ASPRV1: variants seen among roughly 807,000 people sequenced by gnomAD.
ASPRV1 encodes the protein aspartic peptidase retroviral like 1.
A neutral mutation model predicts 11.0 loss-of-function variants in ASPRV1; 7 were observed. That is an observed-to-expected ratio of 0.64 (90% CI 0.36 to 1.20). The LOEUF is 1.20. Ranked by LOEUF, ASPRV1 falls within the 50% of genes most tolerant of loss-of-function variation. ASPRV1 has a pLI of 0.02. For synonymous variants in ASPRV1, 136 were observed against 138.4 expected (o/e 0.98, Z 0.12); for missense variants, 299 against 320.0 (o/e 0.93, Z 0.50).
chr2:69,970,464 G>C, the ASPRV1 span, among the ~76,000 whole-genome samples: 4 of 152,052 alleles, frequency 2.6e-5, no homozygotes, highest in Admixed American at 6.5e-5. Flanking sequence ...TCCCCAAACA[G>C]GACGGGCTTT....
the ASPRV1 span, chr2:70,083,801 A>T: frequency 1.2e-4 from 18 of 152,352 alleles, no homozygotes; most frequent in African/African-American, 4.3e-4. Flanking sequence ...CCTGGACATA[A>T]GTAGAAGGAC....
chr2:70,039,689 C>T, the ASPRV1 span, among the ~76,000 whole-genome samples: 1 of 152,214 alleles, frequency 6.6e-6, no homozygotes, highest in African/African-American at 2.4e-5. Context: ...CTGGCCCCTA[C>T]TGCACCTAAG....
chr2:70,003,860 A>C, the ASPRV1 span, among the ~76,000 whole-genome samples: 619 of 152,330 alleles, frequency 4.1e-3, 2 homozygotes, highest in African/African-American at 0.014. Flanking sequence ...TCCTCACAAA[A>C]GGACAAATTT....
At chr2:70,037,549 C>T in the ASPRV1 span, among the ~76,000 whole-genome samples, 1 of 152,168 alleles carries the variant, frequency 6.6e-6, no homozygotes, top group Non-Finnish European at 1.5e-5. Flanking sequence ...AGGCACTGCG[C>T]CTGGCTGAAA....
chr2:69,996,685 C>T, the ASPRV1 span: 1 of 456,484 alleles, frequency 2.2e-6, no homozygotes, highest in African/African-American at 2.0e-5. Flanking sequence ...TAAGTTCTTA[C>T]CAAATAGTAA....
chr2:70,028,143 G>A, the ASPRV1 span, among the ~76,000 whole-genome samples: 3 of 152,220 alleles, frequency 2.0e-5, no homozygotes, highest in African/African-American at 7.2e-5. Flanking sequence ...CCACTAGGTT[G>A]GGCCACATTG....
At chr2:69,936,910 A>G in the ASPRV1 span, 1 of 497,588 alleles carries the variant, frequency 2.0e-6, no homozygotes, top group African/African-American at 1.9e-5. Context: ...ATTGCTGCAA[A>G]CAAGGGAGAT....
chr2:70,046,036 G>A, the ASPRV1 span: 2 of 152,228 alleles, frequency 1.3e-5, no homozygotes, highest in Admixed American at 6.5e-5. Context: ...TCTCTCTGCA[G>A]AAGATGAGAA....
chr2:69,975,895 C>G, the ASPRV1 span: 2 of 152,482 alleles, frequency 1.3e-5, no homozygotes, highest in Non-Finnish European at 2.9e-5. Context: ...CATATGTAGT[C>G]AACTGCACAC....
At chr2:70,085,067 C>T in the ASPRV1 span, among the ~76,000 whole-genome samples, 4 of 152,326 alleles carry the variant, frequency 2.6e-5, no homozygotes, top group African/African-American at 7.2e-5. Context: ...CACAGACTGA[C>T]CTAACACTCT....
At chr2:69,999,047 CCTT>C in the ASPRV1 span, among the ~76,000 whole-genome samples, 19 of 152,160 alleles carry the variant, frequency 1.2e-4, no homozygotes, top group Admixed American at 1.2e-3. Flanking sequence ...TGAGTTAACT[CCTT>C]AACTTTCACA....
the ASPRV1 span, among the ~76,000 whole-genome samples, chr2:69,944,030 C>T: frequency 2.0e-5 from 3 of 152,176 alleles, no homozygotes; most frequent in Non-Finnish European, 1.5e-5. Context: ...GCCTTGTCTG[C>T]TTTCTCCAAA....
chr2:70,004,528 CAAAAAAAAA>C, the ASPRV1 span, among the ~76,000 whole-genome samples: 1 of 54,640 alleles, frequency 1.8e-5, no homozygotes, highest in African/African-American at 6.1e-5. Context: ...AACTCCATCT[CAAAAAAAAA>C]AAAAAAAAAA....
At chr2:70,060,879 T>C in the ASPRV1 span, among the ~76,000 whole-genome samples, 22 of 152,116 alleles carry the variant, frequency 1.4e-4, no homozygotes, top group Non-Finnish European at 2.5e-4. Flanking sequence ...AAAATAAAAA[T>C]GTGGATTAGT....
At chr2:70,034,015 G>A in the ASPRV1 span, among the ~76,000 whole-genome samples, 3 of 151,850 alleles carry the variant, frequency 2.0e-5, no homozygotes, top group Non-Finnish European at 4.4e-5. Flanking sequence ...TTAGCCGGGC[G>A]AGGTGGTGGG....
the ASPRV1 span, chr2:70,085,548 A>G: frequency 5.9e-5 from 9 of 152,248 alleles, no homozygotes; most frequent in Admixed American, 5.9e-4. Context: ...TGTGCTCACC[A>G]GTAAGGAAAT....
chr2:69,959,306 T>G (rs1434400816), downstream of ASPRV1, among the ~76,000 whole-genome samples: 2 of 152,018 alleles, frequency 1.3e-5, no homozygotes, highest in Non-Finnish European at 2.9e-5. Flanking sequence ...CAGGCCACCC[T>G]CCCCTGAGAA....
At chr2:70,036,262 T>C in the ASPRV1 span, among the ~76,000 whole-genome samples, 6 of 152,040 alleles carry the variant, frequency 3.9e-5, no homozygotes, top group Admixed American at 1.3e-4. Flanking sequence ...GGCTTGGTAA[T>C]GAAGAGCCAT....
chr2:70,043,650 C>CAAAA, the ASPRV1 span, among the ~76,000 whole-genome samples: 1 of 152,374 alleles, frequency 6.6e-6, no homozygotes, highest in Admixed American at 6.5e-5. Context: ...CCACCAGCCA[C>CAAAA]AAAGGAAATG....
Sources: allele counts gnomAD v4.1 joint callset (sites outside exome capture counted in the v4.1 genomes callset), GRCh38; gene constraint gnomAD v4.1.1; transcripts MANE v1.5; gene names NCBI Gene and HGNC (gene_info 2026-07-23, HGNC 2026-07-21).